The following ARCN1 variants were observed in gnomAD, a reference collection of about 807,000 sequenced individuals.
ARCN1 encodes coatomer subunit delta.
Under a neutral mutation model 60.4 loss-of-function variants are expected in ARCN1, and 5 were observed. That is an observed-to-expected ratio of 0.08 (90% confidence interval 0.04 to 0.17). The LOEUF (loss-of-function observed/expected upper bound fraction) is 0.17. Among genes scored for constraint, ARCN1 ranks in the 10% least tolerant of loss-of-function variants. The pLI, the probability that ARCN1 is intolerant of heterozygous loss-of-function variation, is 1.00. For synonymous variants in ARCN1, 224 were observed against 220.0 expected (o/e 1.02, Z -0.16); for missense variants, 464 against 626.5 (o/e 0.74, Z 2.77).
At chr11:118,575,409 C>T (rs976693722) in intron 1 of ARCN1, among the ~76,000 whole-genome samples, 5 of 130,800 alleles carry the variant, frequency 3.8e-5, no homozygotes, top group African/African-American at 8.9e-5. Flanking sequence ...AAACTGATAA[C>T]GGGTGTGTGT....
Position 118,590,153 on chromosome 11 carries a change from G to A in ARCN1, c.819-188G>A, listed in dbSNP as rs939526119. 9.9e-5 allele frequency among the ~76,000 whole-genome samples: 15 copies of A among 152,120 alleles called. No homozygotes were observed. In the East Asian group the frequency reaches 1.4e-3, roughly 14 times the overall value. ...TGGGACTACAGGCATGCACCACCAC[G>A]CCTGGCTAATTTTGTATTTTTAGTA... On this transcript the variant is annotated intron_variant, in intron 5 of 9. Coordinates refer to ENST00000264028, the MANE Select transcript of ARCN1 (RefSeq NM_001655.5).
intron 6 of ARCN1, among the ~76,000 whole-genome samples, chr11:118,590,853 T>A (rs942467599): frequency 4.6e-5 from 7 of 152,124 alleles, no homozygotes; most frequent in African/African-American, 1.4e-4. Context: ...AATACAGTTT[T>A]AAAAAAACAA....
Position 118,601,794 on chromosome 11 carries a change from C to T in ARCN1, c.*1080C>T, listed in dbSNP as rs530450321. ...GCTGAGAAGCACCTTTCAAATGGCACAGTCCCTCTTCAAGATGTCTAAAAG... is the reference window on the plus strand; with the variant it reads ...GCTGAGAAGCACCTTTCAAATGGCATAGTCCCTCTTCAAGATGTCTAAAAG... On this transcript the variant is annotated 3_prime_UTR_variant, in exon 10 of 10. Coordinates refer to ENST00000264028, the MANE Select transcript of ARCN1 (RefSeq NM_001655.5). 6 of 697,950 alleles carry T rather than the reference C, an allele frequency of 8.6e-6. No homozygotes were observed. Among genetic ancestry groups the T allele is most frequent in the East Asian group, 2.7e-5 (1 of 37,156 alleles). The allele number at this position is 697,950 out of a possible 1,614,324, so 43.2% of individuals were successfully genotyped here.
intron 1 of ARCN1, among the ~76,000 whole-genome samples, chr11:118,575,071 C>T (rs919798688): frequency 3.3e-5 from 5 of 152,140 alleles, no homozygotes; most frequent in African/African-American, 9.7e-5. Flanking sequence ...TTCTGCCTCC[C>T]GGGTTCAAGC....
Position 118,581,326 on chromosome 11 carries a change from G to C in ARCN1, c.84G>C (p.Arg28=), listed in dbSNP as rs782127122. The C allele has an allele frequency of 6.2e-7, 1 of 1,614,218 alleles. No homozygotes were observed. Among genetic ancestry groups the C allele is most frequent in the Non-Finnish European group, 8.5e-7 (1 of 1,180,040 alleles). The change falls in exon 2 of 10, where the codon CGG becomes CGC. Residue 28 remains arginine (R), a synonymous_variant. Transcript: ENST00000264028. ...AGTTTGTGGAAATGACCCGAACTCGGATTGAGGGCTTATTAGCAGCTTTTC... is the reference window on the plus strand; with the variant it reads ...AGTTTGTGGAAATGACCCGAACTCGCATTGAGGGCTTATTAGCAGCTTTTC... ...SRQFVEMTRT[R]IEGLLAAFPK...
chr11:118,595,815 C>T (rs1166379105), intron 8 of ARCN1, among the ~76,000 whole-genome samples: 1 of 152,214 alleles, frequency 6.6e-6, no homozygotes, highest in Non-Finnish European at 1.5e-5. Context: ...CGCCTGTAAT[C>T]CCAGCACTTT....
chr11:118,595,267 C>CT (rs1939001193), intron 8 of ARCN1, among the ~76,000 whole-genome samples: 1 of 152,206 alleles, frequency 6.6e-6, no homozygotes, highest in Non-Finnish European at 1.5e-5. Flanking sequence ...GAAATTGAGT[C>CT]TATCGGGCTG....
chr11:118,590,637 G>A, intron 6 of ARCN1, 131 bp downstream of exon 6: 1 of 939,718 alleles, frequency 1.1e-6, no homozygotes, highest in African/African-American at 1.7e-5. Context: ...TAAACGCTTA[G>A]GAAAGAAGTT....
intron 1 of ARCN1, among the ~76,000 whole-genome samples, chr11:118,574,428 A>G (rs1555073067): frequency 6.6e-6 from 1 of 152,132 alleles, no homozygotes; most frequent in Admixed American, 6.6e-5. Context: ...ATTTTCCAAC[A>G]TCTGGAAAAG....
Position 118,601,522 on chromosome 11 carries a change from T to C in ARCN1, c.*808T>C, listed in dbSNP as rs1329553014. ...TTCAGTCAGGCACTGGGATCATCTG[T>C]TTACAGGCATTATATTTATTTGGCA... On this transcript the variant is annotated 3_prime_UTR_variant, in exon 10 of 10. Coordinates refer to ENST00000264028, the MANE Select transcript of ARCN1 (RefSeq NM_001655.5). 1.5e-6 allele frequency: 1 copy of C among 653,136 alleles called. No homozygotes were observed. Among genetic ancestry groups the C allele is most frequent in the African/African-American group, 1.8e-5 (1 of 55,524 alleles). The allele number at this position is 653,136 out of a possible 1,614,324, so 40.5% of individuals were successfully genotyped here. A position where few individuals can be genotyped will look rare whatever the true frequency, so the allele number is the denominator to read the frequency against.
chr11:118,598,027 C>A, intron 9 of ARCN1, 116 bp downstream of exon 9: 2 of 893,616 alleles, frequency 2.2e-6, no homozygotes, highest in Non-Finnish European at 3.4e-6. Flanking sequence ...CAGAAAAAAA[C>A]TGATGTCTCC....
chr11:118,594,043 A>G, intron 8 of ARCN1: 1 of 176,066 alleles, frequency 5.7e-6, no homozygotes, highest in East Asian at 1.5e-4. Context: ...GAAGATTAGC[A>G]TGGGCCCTGT....
chr11:118,583,902 C>A lies in ARCN1; in HGVS notation c.541C>A (p.Pro181Thr), dbSNP rs1938716368. 1.2e-6 allele frequency: 2 copies of A among 1,614,198 alleles called. No homozygotes were observed. The highest frequency in any genetic ancestry group is 1.7e-6 in the Non-Finnish European group (2 of 1,180,036). ...RDAERQGKKA[P>T]GFGGFGSSAV... is the part of the protein sequence containing the mutation. ...TGCAGAGAGACAGGGCAAAAAAGCA[C>A]CAGGATTTGGCGGATTTGGCAGCTC... Residue 181 changes from proline (P) to threonine (T), a missense_variant, in exon 4 of 10, where the codon CCA becomes ACA. Coordinates refer to ENST00000264028, the MANE Select transcript of ARCN1 (RefSeq NM_001655.5).
At chr11:118,595,629 C>A (rs1467807611) in intron 8 of ARCN1, among the ~76,000 whole-genome samples, 1 of 152,198 alleles carries the variant, frequency 6.6e-6, no homozygotes. Context: ...AGTGAGCATG[C>A]AGTTATTACT....
At chr11:118,576,426 T>TA (rs10671866) in intron 1 of ARCN1, among the ~76,000 whole-genome samples, 39,639 of 108,410 alleles carry the variant, frequency 0.37, 7,785 homozygotes, top group Non-Finnish European at 0.47. Context: ...CCAAAAATGT[T>TA]AAAAAAAAAA....
rs1939148961 is a variant in ARCN1 at position 118,601,552 on chromosome 11, T to C, written c.*838T>C. The C allele has an allele frequency of 1.5e-6, 1 of 681,702 alleles. No homozygotes were observed. Among genetic ancestry groups the C allele is most frequent in the Non-Finnish European group, 2.7e-6 (1 of 373,990 alleles). The allele number at this position is 681,702 out of a possible 1,614,324, so 42.2% of individuals were successfully genotyped here. On this transcript the variant is annotated 3_prime_UTR_variant, in exon 10 of 10. Transcript: ENST00000264028. ...AGGCATTATATTTATTTGGCACTCCTGGAACAAGTATATCTAACCCATTCT... is the reference window on the plus strand; with the variant it reads ...AGGCATTATATTTATTTGGCACTCCCGGAACAAGTATATCTAACCCATTCT...
At chr11:118,598,633 T>TA (rs1939082814) in intron 9 of ARCN1, among the ~76,000 whole-genome samples, 1 of 150,902 alleles carries the variant, frequency 6.6e-6, no homozygotes, top group Admixed American at 6.7e-5. Flanking sequence ...TAGCTGGAAA[T>TA]ACAGGAATGC....
intron 1 of ARCN1, among the ~76,000 whole-genome samples, chr11:118,576,446 A>AC (rs1394103721): frequency 6.8e-6 from 1 of 147,324 alleles, no homozygotes; most frequent in Non-Finnish European, 1.5e-5. Flanking sequence ...AAAAAAAAAA[A>AC]AAACCAAAAA....
At chr11:118,574,534 A>C (rs1938437740) in intron 1 of ARCN1, among the ~76,000 whole-genome samples, 2 of 152,196 alleles carry the variant, frequency 1.3e-5, no homozygotes, top group South Asian at 4.2e-4. Context: ...TCATCCATCC[A>C]TCCCTCTCTC....
Sources: allele counts gnomAD v4.1 joint callset (sites outside exome capture counted in the v4.1 genomes callset), GRCh38; gene constraint gnomAD v4.1.1; transcripts MANE v1.5; gene names NCBI Gene and HGNC (gene_info 2026-07-23, HGNC 2026-07-21).